Variants in TNIK observed in about 807,000 individuals in gnomAD.
TNIK encodes the protein TRAF2 and NCK interacting kinase, also known as TRAF2 and NCK-interacting protein kinase.
A neutral mutation model predicts 191.3 loss-of-function variants in TNIK; 49 were observed. That is an observed-to-expected ratio of 0.26 (90% CI 0.20 to 0.32). The LOEUF (loss-of-function observed/expected upper bound fraction) is 0.32. Among genes scored for constraint, TNIK ranks in the 10% least tolerant of loss-of-function variants. The pLI, the probability that TNIK is intolerant of heterozygous loss-of-function variation, is 1.00. For missense variants in TNIK, 1,155 were observed against 1,702.3 expected, an observed-to-expected ratio of 0.68 and a Z score of 5.66; for synonymous variants, 594 against 600.9, an observed-to-expected ratio of 0.99 and a Z score of 0.17.
At chr3:171,440,706 C>G (rs958575601) in intron 1 of TNIK, among the ~76,000 whole-genome samples, 2 of 152,178 alleles carry the variant, frequency 1.3e-5, no homozygotes, top group East Asian at 3.9e-4. Context: ...CTTATAGTCT[C>G]TTCTGCAGGA....
chr3:171,081,541 A>C (rs2108363689), intron 27 of TNIK, among the ~76,000 whole-genome samples: 1 of 147,416 alleles, frequency 6.8e-6, no homozygotes, highest in South Asian at 2.3e-4. Context: ...TGCAGTAGCA[A>C]GTTGGTTCCA....
intron 2 of TNIK, among the ~76,000 whole-genome samples, chr3:171,296,764 T>G (rs942969855): frequency 1.3e-5 from 2 of 152,198 alleles, no homozygotes; most frequent in Non-Finnish European, 2.9e-5. Context: ...TTGTTTGAAA[T>G]TTTCCATAAT....
At chr3:171,310,556 C>T (rs1229505549) in intron 2 of TNIK, among the ~76,000 whole-genome samples, 2 of 152,132 alleles carry the variant, frequency 1.3e-5, no homozygotes, top group African/African-American at 2.4e-5. Flanking sequence ...ATACTTCATA[C>T]AGTACATTAA....
chr3:171,211,391 T>C, intron 3 of TNIK, 150 bp from the exon 4 acceptor site: 5 of 883,786 alleles, frequency 5.7e-6, no homozygotes, highest in Non-Finnish European at 8.4e-6. Flanking sequence ...AGAACAATTC[T>C]AAAACATAAT....
chr3:171,239,610 A>C (rs936525933), intron 2 of TNIK, among the ~76,000 whole-genome samples: 3 of 152,214 alleles, frequency 2.0e-5, no homozygotes, highest in Admixed American at 6.5e-5. Context: ...GGCTGAAAAT[A>C]TCTCTCCCCC....
intron 2 of TNIK, chr3:171,347,290 C>T: frequency 6.8e-7 from 1 of 1,471,924 alleles, no homozygotes; most frequent in South Asian, 1.3e-5. Flanking sequence ...AGAGCACACT[C>T]TCTTCTCTTT....
Position 171,190,730 on chromosome 3 carries a change from C to T in TNIK, c.475G>A (p.Val159Ile). 1 of 1,596,978 alleles carries T rather than the reference C, an allele frequency of 6.3e-7. No homozygotes were observed. The highest frequency in any genetic ancestry group is 8.5e-7 in the Non-Finnish European group (1 of 1,170,642). ...ACTTCTGCATTTTCAGTCAGCAAGA[C>T]ATTTTGCCCTTTAATATCTCGATGA... ...VIHRDIKGQNVLLTENAEVKL... is the reference protein window; with the variant it reads ...VIHRDIKGQNILLTENAEVKL... Residue 159 changes from valine (V) to isoleucine (I), a missense_variant, in exon 6 of 33, where the codon GTC (valine) becomes ATC (isoleucine). This residue lies in a region of TNIK where 225 missense variants were observed against 438.9 expected (regional missense o/e 0.51). Transcript: ENST00000436636.
chr3:171,376,754 A>AGATAGATAGATAGATAGAT (rs1717295909), intron 1 of TNIK, among the ~76,000 whole-genome samples: 6 of 141,124 alleles, frequency 4.3e-5, no homozygotes, highest in Admixed American at 2.8e-4. Flanking sequence ...GATGATAGAT[A>AGATAGATAGATAGATAGAT]GATAGATAGA....
intron 2 of TNIK, among the ~76,000 whole-genome samples, chr3:171,244,160 G>A (rs978288054): frequency 1.3e-5 from 2 of 150,974 alleles, no homozygotes; most frequent in African/African-American, 2.4e-5. Context: ...CGCCTCCCGG[G>A]TTCACACCAC....
intron 2 of TNIK, among the ~76,000 whole-genome samples, chr3:171,294,329 C>G (rs1752020409): frequency 6.6e-6 from 1 of 152,120 alleles, no homozygotes; most frequent in Non-Finnish European, 1.5e-5. Context: ...GAGGCTGAGG[C>G]AAGAGGATCA....
At chr3:171,273,812 T>A (rs920418488) in intron 2 of TNIK, among the ~76,000 whole-genome samples, 1 of 152,212 alleles carries the variant, frequency 6.6e-6, no homozygotes, top group Admixed American at 6.5e-5. Flanking sequence ...CAACTGATAA[T>A]GAACCTTGCA....
chr3:171,146,214 ATCT>A (rs780259476), intron 12 of TNIK, among the ~76,000 whole-genome samples: 2 of 152,224 alleles, frequency 1.3e-5, no homozygotes, highest in Non-Finnish European at 2.9e-5. Context: ...TCCTGCCTGC[ATCT>A]TCTTTCTCCG....
chr3:171,437,258 G>A (rs1294692814), intron 1 of TNIK, among the ~76,000 whole-genome samples: 1 of 152,196 alleles, frequency 6.6e-6, no homozygotes, highest in African/African-American at 2.4e-5. Flanking sequence ...AGTAGAGAAC[G>A]TGGGAGACAT....
At chr3:171,120,197 C>T (rs760680013) in intron 18 of TNIK, among the ~76,000 whole-genome samples, 4 of 152,148 alleles carry the variant, frequency 2.6e-5, no homozygotes, top group African/African-American at 4.8e-5. Flanking sequence ...AAACATCAAA[C>T]ATTCTGCAGT....
At chr3:171,330,686 T>A (rs925026044) in intron 2 of TNIK, among the ~76,000 whole-genome samples, 1 of 152,158 alleles carries the variant, frequency 6.6e-6, no homozygotes, top group Non-Finnish European at 1.5e-5. Flanking sequence ...AAAACCTTCT[T>A]GGGTGAATCT....
rs142132100 is a variant in TNIK at position 171,252,120 on chromosome 3, C to G, written c.124-23899G>C. Among the ~76,000 whole-genome samples the G allele has an allele frequency of 3.7e-4, 57 of 152,086 alleles. 1 individual carries two copies. In the East Asian group the frequency reaches 7.1e-3, roughly 19 times the overall value. On this transcript the variant is annotated intron_variant, in intron 2 of 32. Transcript: ENST00000436636. ...ATATCTCTTTACTTAACAGCCAAAACAATCTCCTATGTTACCTTCAGCCAT... is the reference window on the plus strand; with the variant it reads ...ATATCTCTTTACTTAACAGCCAAAAGAATCTCCTATGTTACCTTCAGCCAT...
intron 5 of TNIK, among the ~76,000 whole-genome samples, chr3:171,193,089 C>G (rs751554022): frequency 2.6e-5 from 4 of 152,180 alleles, no homozygotes; most frequent in Non-Finnish European, 5.9e-5. Context: ...TAAAAGAACC[C>G]TTTCCTTTGA....
At chr3:171,220,029 T>C (rs1432496925) in intron 3 of TNIK, among the ~76,000 whole-genome samples, 2 of 152,158 alleles carry the variant, frequency 1.3e-5, no homozygotes, top group Non-Finnish European at 2.9e-5. Flanking sequence ...AAAGAAAATG[T>C]GGCACATATA....
At chr3:171,231,999 G>A (rs566199660) in intron 2 of TNIK, among the ~76,000 whole-genome samples, 13 of 151,966 alleles carry the variant, frequency 8.6e-5, no homozygotes, top group East Asian at 3.9e-4. Context: ...ACTAAATATC[G>A]AACCAGTCAT....
Sources: allele counts gnomAD v4.1 joint callset (sites outside exome capture counted in the v4.1 genomes callset), GRCh38; gene constraint gnomAD v4.1.1; regional missense constraint gnomAD v4.1.1; transcripts MANE v1.5; gene names NCBI Gene and HGNC (gene_info 2026-07-23, HGNC 2026-07-21).